ADAM19: variants seen among roughly 807,000 people sequenced by gnomAD.
The protein encoded by ADAM19 is disintegrin and metalloproteinase domain-containing protein 19.
A neutral mutation model predicts 114.7 loss-of-function variants in ADAM19; 65 were observed. The ratio of observed to expected loss-of-function variants is 0.57; its 90% CI spans 0.46 to 0.70. ADAM19 has a LOEUF of 0.70. Ranked by LOEUF, ADAM19 falls within the 30% of genes least tolerant of loss-of-function variation. The pLI, the probability that ADAM19 is intolerant of heterozygous loss-of-function variation, is 0.00. For missense variants in ADAM19, 1,063 were observed against 1,204.7 expected (o/e 0.88, Z 1.74); for synonymous variants, 466 against 460.5 (o/e 1.01, Z -0.15).
chr5:157,491,352 C>T (rs1269214476), intron 18 of ADAM19, among the ~76,000 whole-genome samples: 1 of 152,228 alleles, frequency 6.6e-6, no homozygotes, highest in Non-Finnish European at 1.5e-5. Flanking sequence ...ATTCAATGAC[C>T]TACAGTCTCT....
Position 157,547,753 on chromosome 5 carries a change from C to T in ADAM19, c.252-9762G>A, listed in dbSNP as rs539972302. 6.6e-5 allele frequency among the ~76,000 whole-genome samples: 10 copies of T among 152,328 alleles called. 1 individual carries two copies. The South Asian group carries it at 2.1e-3, about 32-fold the overall frequency. ...CCTCAGCCCACATGCAACCCATTTC[C>T]CAGTTTCCATGATTCCACCCTATAA... On this transcript the variant is annotated intron_variant, in intron 3 of 22. Coordinates refer to ENST00000257527, the MANE Select transcript of ADAM19 (RefSeq NM_033274.5).
At position 157,509,427 on chromosome 5, in the gene ADAM19, A is replaced by G; in HGVS notation, c.779T>C (p.Leu260Ser). ...CATGTTCCCGTGGGTCCACACTTCC[A>G]AGCCCACGAGAGCAATCCGGATGTT... is the stretch of plus-strand genomic sequence containing the variant. The part of the protein sequence containing the change: ...SLNIRIALVG[L>S]EVWTHGNMCE... The change falls in exon 9 of 23, where the codon TTG (leucine) becomes TCG (serine). Residue 260 changes from leucine to serine, a missense_variant. Coordinates refer to ENST00000257527, the MANE Select transcript of ADAM19 (RefSeq NM_033274.5). 6.2e-7 allele frequency: 1 copy of G among 1,611,386 alleles called. No individual in the cohort carries two copies. Among genetic ancestry groups the G allele is most frequent in the Non-Finnish European group, 8.5e-7 (1 of 1,178,496 alleles).
At chr5:157,537,824 G>A in intron 4 of ADAM19, 89 bp downstream of exon 4, 1 of 1,219,998 alleles carries the variant, frequency 8.2e-7, no homozygotes, top group Non-Finnish European at 1.2e-6. Flanking sequence ...TCAGAGGAGA[G>A]ACCAACTCCA....
rs755423388 is a variant in ADAM19, at chr5:157,564,396, C to T, written c.228G>A (p.Leu76=). ...ACTCATTCTTCTCCAGGTCCAGGATCAGTTCTCGCCCCTCAGCCATTACCC... is the reference window on the plus strand; with the variant it reads ...ACTCATTCTTCTCCAGGTCCAGGATTAGTTCTCGCCCCTCAGCCATTACCC... ...ELRVMAEGRE[L]ILDLEKNEQL... is the part of the protein sequence containing the mutation. The change falls in exon 3 of 23, where the codon CTG becomes CTA. Residue 76 remains leucine (L), a synonymous_variant. Transcript: ENST00000257527. 16 of 1,614,080 alleles carry T rather than the reference C, an allele frequency of 9.9e-6. No homozygotes were observed. Among genetic ancestry groups the T allele is most frequent in the Non-Finnish European group, 1.4e-5 (16 of 1,180,038 alleles).
At chr5:157,573,469 G>A (rs1757885547) in intron 1 of ADAM19, among the ~76,000 whole-genome samples, 1 of 152,226 alleles carries the variant, frequency 6.6e-6, no homozygotes, top group African/African-American at 2.4e-5. Flanking sequence ...AACCTGGCCA[G>A]GCACAATGGC....
chr5:157,486,462 CCCGG>C (rs2113688806), intron 21 of ADAM19, among the ~76,000 whole-genome samples: 1 of 152,206 alleles, frequency 6.6e-6, no homozygotes, highest in East Asian at 1.9e-4. Context: ...GCTTCCTGCA[CCCGG>C]GACTCCTGCC....
intron 22 of ADAM19, chr5:157,481,463 G>A: frequency 1.2e-6 from 1 of 802,092 alleles, no homozygotes; most frequent in Non-Finnish European, 1.9e-6. Context: ...CAACCTGATG[G>A]GGCTGGTACT....
intron 5 of ADAM19, among the ~76,000 whole-genome samples, chr5:157,522,308 C>CCTTTA (rs1561542211): frequency 6.6e-6 from 1 of 151,578 alleles, no homozygotes; most frequent in African/African-American, 2.4e-5. Context: ...GTTTCATCAA[C>CCTTTA]TTTTAAGTTC....
At chr5:157,498,925 T>C (rs1755459510) in intron 13 of ADAM19, among the ~76,000 whole-genome samples, 1 of 152,108 alleles carries the variant, frequency 6.6e-6, no homozygotes, top group Non-Finnish European at 1.5e-5. Context: ...GTGTTTACAT[T>C]TTTTTTCAGC....
intron 19 of ADAM19, 86 bp downstream of exon 19, chr5:157,490,224 T>C: frequency 6.7e-7 from 1 of 1,500,324 alleles, no homozygotes; most frequent in Middle Eastern, 1.7e-4. Context: ...AGACCCACTA[T>C]CACCAACACT....
intron 21 of ADAM19, among the ~76,000 whole-genome samples, chr5:157,484,210 T>G (rs956049947): frequency 7.9e-5 from 12 of 152,216 alleles, no homozygotes. Context: ...TCTTCTTTTC[T>G]TTTCATATCA....
intron 3 of ADAM19, among the ~76,000 whole-genome samples, chr5:157,550,790 C>T (rs12187501): frequency 0.25 from 37,769 of 151,960 alleles, 4,686 homozygotes; most frequent in South Asian, 0.37. Context: ...TCAACAAGGG[C>T]AGTGAGATAT....
At chr5:157,494,263 A>ATGGATAGATG (rs1561844780) in intron 15 of ADAM19, among the ~76,000 whole-genome samples, 6 of 150,894 alleles carry the variant, frequency 4.0e-5, no homozygotes, top group Admixed American at 3.3e-4. Context: ...ATGGATGGAT[A>ATGGATAGATG]GATGGATGGA....
chr5:157,480,727 C>T lies in ADAM19; in HGVS notation c.*222G>A. ...TCCCTACCTGGGGCTGTATATTGCACAAAACAACACCTAGAGGCCATCAGA... is the reference window on the plus strand; with the variant it reads ...TCCCTACCTGGGGCTGTATATTGCATAAAACAACACCTAGAGGCCATCAGA... On this transcript the variant is annotated 3_prime_UTR_variant, in exon 23 of 23. Transcript: ENST00000257527. 1 of 1,393,138 alleles carries T rather than the reference C, an allele frequency of 7.2e-7. No homozygotes were observed. The highest frequency in any genetic ancestry group is 9.3e-7 in the Non-Finnish European group (1 of 1,074,962). 86.3% of individuals were successfully genotyped at this position (1,393,138 alleles called of 1,614,324 possible).
At chr5:157,548,877 C>T (rs1480049701) in intron 3 of ADAM19, among the ~76,000 whole-genome samples, 2 of 152,178 alleles carry the variant, frequency 1.3e-5, no homozygotes, top group Non-Finnish European at 2.9e-5. Flanking sequence ...TAATCACATC[C>T]TCGGAGCTGG....
In ADAM19 at chr5:157,485,315, T is replaced by C. The variant is rs952660899; in HGVS notation, c.2550+2950A>G. 7.9e-5 allele frequency among the ~76,000 whole-genome samples: 12 copies of C among 152,248 alleles called. No individual in the cohort carries two copies. In the Middle Eastern group the frequency reaches 0.01, roughly 129 times the overall value. ...AACTATTTTAAAAATTCAAATATAA[T>C]ACACACAGAAAAAGGCGAACAAATC... On this transcript the variant is annotated intron_variant, in intron 21 of 22. Coordinates refer to ENST00000257527, the MANE Select transcript of ADAM19 (RefSeq NM_033274.5).
chr5:157,553,954 A>C (rs893799328), intron 3 of ADAM19, among the ~76,000 whole-genome samples: 1 of 152,230 alleles, frequency 6.6e-6, no homozygotes, highest in Non-Finnish European at 1.5e-5. Context: ...ATTATGAAAA[A>C]TGTCAAACAT....
At chr5:157,483,943 C>CT in intron 21 of ADAM19, among the ~76,000 whole-genome samples, 1 of 138,308 alleles carries the variant, frequency 7.2e-6, no homozygotes, top group African/African-American at 2.6e-5. Flanking sequence ...CTTGAACATT[C>CT]CTTTTTTTTT....
chr5:157,492,512 T>C (rs1755211248), intron 16 of ADAM19, among the ~76,000 whole-genome samples: 1 of 152,248 alleles, frequency 6.6e-6, no homozygotes, highest in Non-Finnish European at 1.5e-5. Context: ...ACTATTATGT[T>C]GATTATGTTA....
Sources: allele counts gnomAD v4.1 joint callset (sites outside exome capture counted in the v4.1 genomes callset), GRCh38; gene constraint gnomAD v4.1.1; transcripts MANE v1.5; gene names NCBI Gene and HGNC (gene_info 2026-07-23, HGNC 2026-07-21).